The following EFCAB5 variants were observed in gnomAD, a reference collection of about 807,000 sequenced individuals.
EFCAB5 encodes the protein EF-hand calcium binding domain 5.
EFCAB5 carries 131 observed loss-of-function variants against 167.9 expected under a neutral mutation model. That is an observed-to-expected ratio of 0.78 (90% CI 0.68 to 0.90). The LOEUF is 0.90. EFCAB5 is among the 40% of genes least tolerant of loss of function. The probability of loss-of-function intolerance (pLI) is 0.00; values close to 1 mark genes in which losing one functional copy is unlikely to be tolerated. For synonymous variants in EFCAB5, 574 were observed against 602.8 expected (o/e 0.95, Z 0.70); for missense variants, 1,663 against 1,745.2 (o/e 0.95, Z 0.84).
chr17:30,080,049 T>G, intron 15 of EFCAB5, 23 bp from the exon 16 acceptor site: 1 of 1,585,478 alleles, frequency 6.3e-7, no homozygotes, highest in East Asian at 2.2e-5. Context: ...GGCAAACACA[T>G]GGTCGGAAAC....
chr17:29,945,395 A>T (rs2151521576), intron 3 of EFCAB5, among the ~76,000 whole-genome samples: 1 of 151,992 alleles, frequency 6.6e-6, no homozygotes, highest in East Asian at 1.9e-4. Flanking sequence ...CTAGTAATAC[A>T]CATTACAATA....
chr17:29,983,801 G>C (rs537326700), intron 4 of EFCAB5, among the ~76,000 whole-genome samples: 2 of 152,154 alleles, frequency 1.3e-5, no homozygotes, highest in Non-Finnish European at 2.9e-5. Flanking sequence ...CTCATGTACA[G>C]TGGCCCAGAA....
At chr17:30,058,970 T>C (rs1179460465) in intron 13 of EFCAB5, 1 of 150,822 alleles carries the variant, frequency 6.6e-6, no homozygotes, top group Non-Finnish European at 1.5e-5. Context: ...ATTCTTAAGG[T>C]TTGTAGAATA....
chr17:29,939,050 T>C (rs2067268190), upstream of EFCAB5, among the ~76,000 whole-genome samples: 1 of 152,230 alleles, frequency 6.6e-6, no homozygotes, highest in Non-Finnish European at 1.5e-5. Context: ...ATGAAATGTA[T>C]TTCTTAAGCA....
At chr17:30,065,405 T>C (rs759697184) in intron 14 of EFCAB5, among the ~76,000 whole-genome samples, 3 of 152,294 alleles carry the variant, frequency 2.0e-5, no homozygotes, top group Non-Finnish European at 4.4e-5. Flanking sequence ...GGCTCATGCC[T>C]GTAATCCCAG....
intron 5 of EFCAB5, 121 bp downstream of exon 5, chr17:29,993,442 T>G: frequency 2.2e-6 from 2 of 916,866 alleles, no homozygotes; most frequent in Non-Finnish European, 3.1e-6. Flanking sequence ...CTGAGGTAAG[T>G]CTTGACCTGT....
At chr17:30,003,569 G>GAA (rs2068712642) in intron 7 of EFCAB5, among the ~76,000 whole-genome samples, 1 of 147,224 alleles carries the variant, frequency 6.8e-6, no homozygotes, top group African/African-American at 2.5e-5. Flanking sequence ...TTGGGGAGGG[G>GAA]AGAAAAAGAA....
intron 8 of EFCAB5, among the ~76,000 whole-genome samples, chr17:30,034,867 A>G (rs1301476433): frequency 6.6e-6 from 1 of 152,216 alleles, no homozygotes; most frequent in African/African-American, 2.4e-5. Context: ...ATAATTACAA[A>G]CAAGTGCTAA....
chr17:30,010,101 C>A (rs140338971), intron 7 of EFCAB5, among the ~76,000 whole-genome samples: 2 of 152,138 alleles, frequency 1.3e-5, no homozygotes, highest in African/African-American at 4.8e-5. Flanking sequence ...ATGATGGTTT[C>A]CAGCTTCATC....
chr17:30,001,603 G>A (rs912629559), intron 7 of EFCAB5, among the ~76,000 whole-genome samples: 1 of 152,188 alleles, frequency 6.6e-6, no homozygotes, highest in East Asian at 1.9e-4. Flanking sequence ...AGACCCTCAT[G>A]TCTAAAAACC....
At chr17:29,984,062 T>C (rs2068231440) in intron 4 of EFCAB5, among the ~76,000 whole-genome samples, 2 of 152,044 alleles carry the variant, frequency 1.3e-5, no homozygotes, top group African/African-American at 2.4e-5. Context: ...CCCTAAGCTT[T>C]ATAATGGCAG....
intron 22 of EFCAB5, among the ~76,000 whole-genome samples, chr17:30,096,677 A>ATATATAT (rs1193558323): frequency 5.0e-5 from 3 of 60,128 alleles, no homozygotes; most frequent in African/African-American, 2.5e-4. Context: ...ATATATATAT[A>ATATATAT]TTTTTTTTTT....
chr17:30,019,192 C>A (rs2069116371), intron 7 of EFCAB5, among the ~76,000 whole-genome samples: 1 of 152,070 alleles, frequency 6.6e-6, no homozygotes, highest in South Asian at 2.1e-4. Context: ...TTATTCCATC[C>A]ATTTATTCAT....
At chr17:30,059,031 G>A (rs879396522) in intron 13 of EFCAB5, 4 of 150,628 alleles carry the variant, frequency 2.7e-5, no homozygotes, top group Non-Finnish European at 5.9e-5. Flanking sequence ...TGCAGAGAAT[G>A]CCTGCTGTTA....
At chr17:30,025,913 G>T (rs865907427) in intron 7 of EFCAB5, among the ~76,000 whole-genome samples, 1 of 151,678 alleles carries the variant, frequency 6.6e-6, no homozygotes, top group Admixed American at 6.6e-5. Flanking sequence ...GTAAACTATC[G>T]CAAGGACAAA....
At position 30,092,830 on chromosome 17, in the gene EFCAB5, T is replaced by C. The variant is rs1327085041; in HGVS notation, c.4225-10T>C. The C allele has an allele frequency of 1.2e-6, 2 of 1,600,278 alleles. No homozygotes were observed. Among genetic ancestry groups the C allele is most frequent in the Non-Finnish European group, 1.7e-6 (2 of 1,172,766 alleles). On this transcript the variant is annotated splice_polypyrimidine_tract_variant and intron_variant, in intron 21 of 22. Coordinates refer to ENST00000394835, the MANE Select transcript of EFCAB5 (RefSeq NM_198529.4). ...GATCCCATAAATTTTCTCTTGTTGTTTGTTCACAGTATGTTAACAAATATT... is the reference window on the plus strand; with the variant it reads ...GATCCCATAAATTTTCTCTTGTTGTCTGTTCACAGTATGTTAACAAATATT...
upstream of EFCAB5, among the ~76,000 whole-genome samples, chr17:29,939,102 G>A (rs1454834299): frequency 6.6e-6 from 1 of 152,218 alleles, no homozygotes; most frequent in Non-Finnish European, 1.5e-5. Context: ...ATGGGCTGCA[G>A]AATGGATTCT....
chr17:30,098,367 A>T (rs1003514173), intron 22 of EFCAB5, among the ~76,000 whole-genome samples: 10 of 151,310 alleles, frequency 6.6e-5, no homozygotes, highest in Non-Finnish European at 1.5e-4. Flanking sequence ...TCTGCAAAAA[A>T]CTTGGAAAAA....
intron 3 of EFCAB5, among the ~76,000 whole-genome samples, chr17:29,948,508 T>C (rs2067448267): frequency 1.3e-5 from 2 of 152,152 alleles, no homozygotes; most frequent in South Asian, 4.1e-4. Flanking sequence ...AACTTTTTAC[T>C]CTAAATCCCT....
Sources: gnomAD v4.1 joint callset for allele counts (sites outside exome capture counted in the v4.1 genomes callset) on GRCh38, gnomAD v4.1.1 for gene constraint, MANE v1.5 for transcripts, NCBI Gene and HGNC (gene_info 2026-07-23, HGNC 2026-07-21) for gene names.